The following DOK6 variants were observed in gnomAD, a reference collection of about 807,000 sequenced individuals.
The protein encoded by DOK6 is docking protein 6, also known as downstream of tyrosine kinase 6.
Under a neutral mutation model 44.0 loss-of-function variants are expected in DOK6, and 22 were observed. That is an observed-to-expected ratio of 0.50 (90% confidence interval 0.36 to 0.71). DOK6 has a LOEUF of 0.71. Ranked by LOEUF, DOK6 falls within the 30% of genes least tolerant of loss-of-function variation. The probability of loss-of-function intolerance (pLI) is 0.00; values close to 1 mark genes in which losing one functional copy is unlikely to be tolerated. For synonymous variants in DOK6, 166 were observed against 145.5 expected, an observed-to-expected ratio of 1.14 and a Z score of -1.01; for missense variants, 340 against 416.4, an observed-to-expected ratio of 0.82 and a Z score of 1.60.
chr18:69,633,917 T>C (rs1244358806), intron 3 of DOK6, among the ~76,000 whole-genome samples: 1 of 152,140 alleles, frequency 6.6e-6, no homozygotes, highest in Non-Finnish European at 1.5e-5. Context: ...CACCAATGGT[T>C]TTAGGATTTA....
intron 3 of DOK6, among the ~76,000 whole-genome samples, chr18:69,625,189 T>C (rs1490824483): frequency 6.6e-6 from 1 of 152,200 alleles, no homozygotes; most frequent in Non-Finnish European, 1.5e-5. Flanking sequence ...AAGAATGCTG[T>C]AAACTCTTTA....
At chr18:69,606,066 G>C (rs1983987518) in intron 3 of DOK6, among the ~76,000 whole-genome samples, 1 of 152,068 alleles carries the variant, frequency 6.6e-6, no homozygotes, top group Admixed American at 6.6e-5. Flanking sequence ...CAGGTCAGGA[G>C]TTCAGGATCA....
chr18:69,771,873 C>G (rs1337698377), intron 7 of DOK6, among the ~76,000 whole-genome samples: 1 of 151,626 alleles, frequency 6.6e-6, no homozygotes, highest in Non-Finnish European at 1.5e-5. Context: ...TAATTTCAGA[C>G]CTTGATGAAT....
At chr18:69,520,775 G>T (rs1262689484) in intron 1 of DOK6, among the ~76,000 whole-genome samples, 1 of 151,788 alleles carries the variant, frequency 6.6e-6, no homozygotes, top group Non-Finnish European at 1.5e-5. Flanking sequence ...AGCACTTCTG[G>T]TCCCAAGCAT....
chr18:69,401,351 T>C, intron 1 of DOK6, 41 bp downstream of exon 1: 1 of 1,443,476 alleles, frequency 6.9e-7, no homozygotes, highest in Admixed American at 2.4e-5. Context: ...CGGCGCTCGT[T>C]CGGCCCGGCT....
intron 5 of DOK6, chr18:69,704,892 CT>C (rs1986601035): frequency 1.3e-5 from 2 of 152,256 alleles, no homozygotes; most frequent in African/African-American, 4.8e-5. Context: ...ATGCCTGCCC[CT>C]GCAAACACTC....
intron 1 of DOK6, among the ~76,000 whole-genome samples, chr18:69,506,057 A>T (rs1981177913): frequency 6.6e-6 from 1 of 152,098 alleles, no homozygotes; most frequent in South Asian, 2.1e-4. Context: ...TGCTTGGTAA[A>T]TTCTAGCAAC....
At chr18:69,509,028 C>T (rs1981273189) in intron 1 of DOK6, among the ~76,000 whole-genome samples, 1 of 152,172 alleles carries the variant, frequency 6.6e-6, no homozygotes, top group South Asian at 2.1e-4. Context: ...GTGTATTCCA[C>T]ATTTGTGTAG....
At chr18:69,772,448 A>G (rs1428100229) in intron 7 of DOK6, among the ~76,000 whole-genome samples, 1 of 152,092 alleles carries the variant, frequency 6.6e-6, no homozygotes, top group Non-Finnish European at 1.5e-5. Context: ...ACACTCACTG[A>G]TTTCAAAGTA....
intron 1 of DOK6, among the ~76,000 whole-genome samples, chr18:69,404,853 T>C (rs1223249080): frequency 1.3e-5 from 2 of 151,688 alleles, no homozygotes; most frequent in Admixed American, 6.6e-5. Flanking sequence ...TATCTTGGAG[T>C]GCCCACAGTT....
At chr18:69,617,553 CTGAG>C (rs1261558968) in intron 3 of DOK6, among the ~76,000 whole-genome samples, 6 of 111,250 alleles carry the variant, frequency 5.4e-5, no homozygotes, top group Non-Finnish European at 8.9e-5. Flanking sequence ...AAGGAAAAGA[CTGAG>C]TGATAGGAGA....
chr18:69,559,068 G>A (rs960157735), intron 1 of DOK6, among the ~76,000 whole-genome samples: 19 of 152,072 alleles, frequency 1.2e-4, no homozygotes, highest in African/African-American at 3.9e-4. Context: ...ATCTCTGTGT[G>A]ATTGCCTTTC....
chr18:69,706,529 T>TTTA (rs916085650), intron 5 of DOK6, among the ~76,000 whole-genome samples: 2 of 151,946 alleles, frequency 1.3e-5, no homozygotes, highest in Non-Finnish European at 2.9e-5. Context: ...TTTTTTTAAT[T>TTTA]TTATTATTAT....
intron 5 of DOK6, among the ~76,000 whole-genome samples, chr18:69,707,263 A>G (rs1415016353): frequency 1.3e-5 from 2 of 152,216 alleles, no homozygotes; most frequent in Admixed American, 6.5e-5. Flanking sequence ...ACACTGCCCA[A>G]GGTAATTTAT....
At chr18:69,677,693 A>G in intron 3 of DOK6, 41 bp from the exon 4 acceptor site, 1 of 1,610,780 alleles carries the variant, frequency 6.2e-7, no homozygotes, top group Non-Finnish European at 8.5e-7. Context: ...CATCATTCCT[A>G]GGGAGCATTG....
intron 1 of DOK6, among the ~76,000 whole-genome samples, chr18:69,431,080 T>A (rs1288473060): frequency 2.0e-5 from 3 of 152,156 alleles, no homozygotes; most frequent in African/African-American, 7.2e-5. Context: ...CTCAGTTTAA[T>A]GAAGGACACT....
intron 7 of DOK6, among the ~76,000 whole-genome samples, chr18:69,836,670 C>T (rs894050630): frequency 2.0e-5 from 3 of 152,078 alleles, no homozygotes; most frequent in African/African-American, 7.2e-5. Flanking sequence ...TCCAAAGTTA[C>T]ATATTTGCCT....
chr18:69,721,784 G>T (rs1978289075), intron 5 of DOK6, among the ~76,000 whole-genome samples: 1 of 152,086 alleles, frequency 6.6e-6, no homozygotes, highest in South Asian at 2.1e-4. Context: ...ACTTACTGAA[G>T]AATTATTTTT....
At chr18:69,522,926 TC>T (rs1981728587) in intron 1 of DOK6, among the ~76,000 whole-genome samples, 1 of 152,110 alleles carries the variant, frequency 6.6e-6, no homozygotes, top group Non-Finnish European at 1.5e-5. Flanking sequence ...TCAAAGTGTG[TC>T]TTTTTCTGGG....
Sources: allele counts gnomAD v4.1 joint callset (sites outside exome capture counted in the v4.1 genomes callset), GRCh38; gene constraint gnomAD v4.1.1; transcripts MANE v1.5; gene names NCBI Gene and HGNC (gene_info 2026-07-23, HGNC 2026-07-21).